TP53BP1: variants seen among roughly 807,000 people sequenced by gnomAD.
TP53BP1 encodes tumor protein p53 binding protein 1.
A neutral mutation model predicts 200.8 loss-of-function variants in TP53BP1; 61 were observed. The observed-to-expected ratio is 0.30, with a 90% confidence interval of 0.25 to 0.38. The LOEUF (loss-of-function observed/expected upper bound fraction) is 0.38, where lower values mean the gene tolerates loss of function less well. Ranked by LOEUF, TP53BP1 falls within the 10% of genes least tolerant of loss-of-function variation. TP53BP1 has a pLI of 1.00. For synonymous variants in TP53BP1, 822 were observed against 844.3 expected (o/e 0.97, Z 0.46); for missense variants, 2,144 against 2,371.9 (o/e 0.90, Z 2.00).
intron 16 of TP53BP1, among the ~76,000 whole-genome samples, chr15:43,437,635 T>G (rs1023421418): frequency 2.6e-5 from 4 of 152,136 alleles, no homozygotes; most frequent in African/African-American, 9.7e-5. Context: ...AATAAATACA[T>G]TTATGAAGTC....
chr15:43,505,131 G>A (rs1566972933), intron 1 of TP53BP1, among the ~76,000 whole-genome samples: 1 of 152,200 alleles, frequency 6.6e-6, no homozygotes, highest in Non-Finnish European at 1.5e-5. Context: ...AGAAGGAACT[G>A]ATGAGAAGAA....
Position 43,403,781 on chromosome 15 carries a change from G to C in TP53BP1, c.*3602C>G. 3.1e-6 allele frequency: 5 copies of C among 1,613,902 alleles called. No individual in the cohort carries two copies. Among genetic ancestry groups the C allele is most frequent in the Non-Finnish European group, 4.2e-6 (5 of 1,179,878 alleles). Reference sequence around the variant, plus strand: ...CACTGGATGAGCGTGGAGCCGCCCAGCTGAGCATTCTCGTGAAGGTGCGTC... The same window carrying C: ...CACTGGATGAGCGTGGAGCCGCCCACCTGAGCATTCTCGTGAAGGTGCGTC... On this transcript the variant is annotated 3_prime_UTR_variant, in exon 28 of 28. Transcript: ENST00000382044.
intron 1 of TP53BP1, among the ~76,000 whole-genome samples, chr15:43,498,576 G>A (rs2079193085): frequency 6.6e-6 from 1 of 152,154 alleles, no homozygotes; most frequent in Non-Finnish European, 1.5e-5. Flanking sequence ...GGTCAAGAAT[G>A]ACAATCAAAG....
At chr15:43,505,143 G>A (rs1225430267) in intron 1 of TP53BP1, among the ~76,000 whole-genome samples, 1 of 152,204 alleles carries the variant, frequency 6.6e-6, no homozygotes, top group Non-Finnish European at 1.5e-5. Context: ...TGAGAAGAAA[G>A]ACAAAGTATT....
At chr15:43,467,569 T>C (rs536994015) in intron 11 of TP53BP1, among the ~76,000 whole-genome samples, 35 of 152,244 alleles carry the variant, frequency 2.3e-4, no homozygotes, top group African/African-American at 7.9e-4. Flanking sequence ...ATGTTGAAAA[T>C]AGAGCAATTC....
chr15:43,424,835 T>C (rs1008545140), intron 18 of TP53BP1, among the ~76,000 whole-genome samples: 1 of 152,220 alleles, frequency 6.6e-6, no homozygotes, highest in African/African-American at 2.4e-5. Context: ...CATGTTGAAA[T>C]TTAATACCCA....
intron 12 of TP53BP1, among the ~76,000 whole-genome samples, chr15:43,453,027 T>C (rs1250513675): frequency 4.0e-5 from 6 of 151,824 alleles, no homozygotes; most frequent in African/African-American, 1.5e-4. Context: ...ACCCCGTCTC[T>C]ACTAAAAATA....
rs1173216875 is a variant in TP53BP1 at position 43,456,926 on chromosome 15, T to C, written c.1682A>G (p.Asn561Ser). 34 of 1,614,058 alleles carry C rather than the reference T, an allele frequency of 2.1e-5. No homozygotes were observed. The highest frequency in any genetic ancestry group is 2.8e-5 in the Non-Finnish European group (33 of 1,180,056). The change falls in exon 12 of 28, where the codon AAT (asparagine) becomes AGT (serine). Residue 561 changes from asparagine to serine, a missense_variant. Around this residue, in one of 4 missense-constraint regions of TP53BP1, gnomAD observed 1,700 missense variants for 1,710.3 expected, o/e 0.99. Transcript: ENST00000382044. The part of the protein sequence containing the change: ...EDTEPMSPVL[N>S]SKFVPAENDS... ...ATTTTCAGCAGGAACAAATTTAGAATTGAGAACTGGAGACATGGGTTCCGT... is the reference window on the plus strand; with the variant it reads ...ATTTTCAGCAGGAACAAATTTAGAACTGAGAACTGGAGACATGGGTTCCGT...
chr15:43,452,158 C>T (rs1205012138), intron 12 of TP53BP1, among the ~76,000 whole-genome samples: 1 of 151,608 alleles, frequency 6.6e-6, no homozygotes, highest in Non-Finnish European at 1.5e-5. Flanking sequence ...TAAAATTAGT[C>T]TCTCAACATT....
At chr15:43,425,893 G>A (rs992925946) in intron 18 of TP53BP1, among the ~76,000 whole-genome samples, 4 of 151,904 alleles carry the variant, frequency 2.6e-5, no homozygotes, top group Admixed American at 1.3e-4. Context: ...GTGAAACCCT[G>A]TCTCTACTAA....
At chr15:43,434,567 C>G (rs913108792) in intron 16 of TP53BP1, among the ~76,000 whole-genome samples, 1 of 152,168 alleles carries the variant, frequency 6.6e-6, no homozygotes, top group Non-Finnish European at 1.5e-5. Flanking sequence ...AGGCAGAGCC[C>G]TCATGAATAG....
chr15:43,428,337 G>A (rs1415822459), intron 17 of TP53BP1, among the ~76,000 whole-genome samples, 169 bp from the exon 18 acceptor site: 1 of 152,166 alleles, frequency 6.6e-6, no homozygotes, highest in Non-Finnish European at 1.5e-5. Flanking sequence ...GGATGGATGA[G>A]TTATATAGCC....
At chr15:43,440,536 A>AC (rs1487159613) in intron 15 of TP53BP1, among the ~76,000 whole-genome samples, 2 of 151,014 alleles carry the variant, frequency 1.3e-5, no homozygotes, top group Non-Finnish European at 3.0e-5. Context: ...CAAAAAAAAA[A>AC]CACTCTGTCT....
At chr15:43,475,109 A>AT (rs1220207818) in intron 9 of TP53BP1, among the ~76,000 whole-genome samples, 1 of 152,146 alleles carries the variant, frequency 6.6e-6, no homozygotes, top group Non-Finnish European at 1.5e-5. Context: ...AAATTATTCC[A>AT]TTTTTTTGCC....
chr15:43,425,881 C>T (rs866324170), intron 18 of TP53BP1, among the ~76,000 whole-genome samples: 8 of 151,924 alleles, frequency 5.3e-5, no homozygotes, highest in Non-Finnish European at 1.0e-4. Flanking sequence ...CTGGCTAACA[C>T]GGTGAAACCC....
At chr15:43,450,839 TTGTTTGAA>T (rs1189705487) in intron 12 of TP53BP1, among the ~76,000 whole-genome samples, 8 of 130,422 alleles carry the variant, frequency 6.1e-5, no homozygotes, top group Non-Finnish European at 8.9e-5. Flanking sequence ...CTACTTTGTA[TTGTTTGAA>T]TGTTTTTCAA....
At chr15:43,440,144 A>C (rs1182066757) in intron 15 of TP53BP1, among the ~76,000 whole-genome samples, 5 of 152,182 alleles carry the variant, frequency 3.3e-5, no homozygotes, top group Non-Finnish European at 7.4e-5. Context: ...AAAAATCCAG[A>C]TTTCTTTCTA....
At chr15:43,460,581 G>A (rs1449725420) in intron 11 of TP53BP1, among the ~76,000 whole-genome samples, 1 of 152,058 alleles carries the variant, frequency 6.6e-6, no homozygotes. Flanking sequence ...GATTTTTAAG[G>A]GAATGAGGAA....
chr15:43,405,236 AAAT>A lies in TP53BP1; in HGVS notation c.*2144_*2146del. ...GTGAAAATTTCTGGCTCATAAATTG[AAAT>A]AACAGCCACGTTCCCAAGGTTGTAA... On this transcript the variant is annotated 3_prime_UTR_variant, in exon 28 of 28. Transcript: ENST00000382044. 2 of 1,613,900 alleles carry A rather than the reference AAAT, an allele frequency of 1.2e-6. No homozygotes were observed. The highest frequency in any genetic ancestry group is 1.7e-6 in the Non-Finnish European group (2 of 1,179,790).
Sources: gnomAD v4.1 joint callset for allele counts (sites outside exome capture counted in the v4.1 genomes callset) on GRCh38, gnomAD v4.1.1 for gene constraint, gnomAD v4.1.1 regional missense constraint, MANE v1.5 for transcripts, NCBI Gene and HGNC (gene_info 2026-07-23, HGNC 2026-07-21) for gene names.